Variants in OSBPL6 observed in about 807,000 individuals in gnomAD.
The protein encoded by OSBPL6 is oxysterol-binding protein-related protein 6.
A neutral mutation model predicts 125.8 loss-of-function variants in OSBPL6; 49 were observed. The ratio of observed to expected loss-of-function variants is 0.39; its 90% confidence interval spans 0.31 to 0.49. The LOEUF (loss-of-function observed/expected upper bound fraction) is 0.49, where lower values mean the gene tolerates loss of function less well. Among genes scored for constraint, OSBPL6 ranks in the 20% least tolerant of loss-of-function variants. The pLI, the probability that OSBPL6 is intolerant of heterozygous loss-of-function variation, is 0.88. For missense variants in OSBPL6, 986 were observed against 1,135.4 expected (o/e 0.87, Z 1.89); for synonymous variants, 394 against 391.8 (o/e 1.01, Z -0.07).
chr2:178,277,576 T>A (rs2092495306), intron 1 of OSBPL6, among the ~76,000 whole-genome samples: 1 of 152,256 alleles, frequency 6.6e-6, no homozygotes, highest in Non-Finnish European at 1.5e-5. Context: ...GAGAAAATTA[T>A]GTTTGTCTTG....
chr2:178,240,259 G>A (rs978858220), intron 1 of OSBPL6, among the ~76,000 whole-genome samples: 1 of 152,068 alleles, frequency 6.6e-6, no homozygotes. Context: ...CTAATTTTAT[G>A]TGTATCTTGC....
chr2:178,349,027 GT>G (rs1690989029), intron 11 of OSBPL6, among the ~76,000 whole-genome samples, 196 bp from the exon 12 acceptor site: 1 of 152,176 alleles, frequency 6.6e-6, no homozygotes, highest in Non-Finnish European at 1.5e-5. Flanking sequence ...GTCTGTGGCA[GT>G]TCTAAATCAA....
chr2:178,346,417 T>G (rs1690723508), intron 11 of OSBPL6, among the ~76,000 whole-genome samples: 1 of 152,244 alleles, frequency 6.6e-6, no homozygotes, highest in East Asian at 1.9e-4. Context: ...TGAATTTCAC[T>G]GTCAGCAACT....
In OSBPL6 at chr2:178,399,251, A is replaced by G. The variant is rs1371337003; in HGVS notation, c.*3692A>G. ...AAATGTATAAATGGAGTTAAGATTA[A>G]AGTATTTGGGGTTTTTTTTCCCCAA... On this transcript the variant is annotated 3_prime_UTR_variant, in exon 25 of 25. Coordinates refer to ENST00000190611, the MANE Select transcript of OSBPL6 (RefSeq NM_032523.4). The G allele has an allele frequency of 6.6e-6, 1 of 152,198 alleles. No homozygotes were observed. Among genetic ancestry groups the G allele is most frequent in the East Asian group, 1.9e-4 (1 of 5,202 alleles). 9.4% of individuals were successfully genotyped at this position (152,198 alleles called of 1,614,324 possible).
Position 178,288,657 on chromosome 2 carries a change from A to T in OSBPL6, c.-156+3536A>T, listed in dbSNP as rs200095824. On this transcript the variant is annotated intron_variant, in intron 2 of 24. Coordinates refer to ENST00000190611, the MANE Select transcript of OSBPL6 (RefSeq NM_032523.4). ...GAAAAGGGACTTTTTTTTTTTTTTT[A>T]AATTTTTTGAGAGGGAGTTTCGCTC... is the stretch of plus-strand genomic sequence containing the variant. Among the ~76,000 whole-genome samples, 484 of 146,666 alleles carry T rather than the reference A, an allele frequency of 3.3e-3. 3 individuals are homozygous for T. The highest frequency in any genetic ancestry group is 5.4e-3 in the African/African-American group (213 of 39,778).
In OSBPL6 at chr2:178,392,150, T is replaced by C. The variant is rs867534853; in HGVS notation, c.2447-262T>C. ...TCAAGAGAAATATTATGGAGTAGTT[T>C]AGCTAATGAAGACTACTATATGTGC... On this transcript the variant is annotated intron_variant, in intron 22 of 24. Transcript: ENST00000190611. Among the ~76,000 whole-genome samples, 18 of 152,350 alleles carry C rather than the reference T, an allele frequency of 1.2e-4. No individual in the cohort carries two copies. In the South Asian group the frequency reaches 2.5e-3, roughly 21 times the overall value.
At chr2:178,228,822 A>G (rs1439759848) in intron 1 of OSBPL6, among the ~76,000 whole-genome samples, 1 of 152,256 alleles carries the variant, frequency 6.6e-6, no homozygotes, top group African/African-American at 2.4e-5. Context: ...TTTAGATTTC[A>G]TAAAATTTAT....
Position 178,267,586 on chromosome 2 carries a change from G to T in OSBPL6, c.-350-17341G>T, listed in dbSNP as rs1046755021. Reference sequence around the variant, plus strand: ...GTAAGTGATTTTCAGGTTTCATCAGGGGCAGAGAAAAATGAAAACCCAGAG... The same window carrying T: ...GTAAGTGATTTTCAGGTTTCATCAGTGGCAGAGAAAAATGAAAACCCAGAG... On this transcript the variant is annotated intron_variant, in intron 1 of 24. Coordinates refer to ENST00000190611, the MANE Select transcript of OSBPL6 (RefSeq NM_032523.4). 1.3e-3 allele frequency among the ~76,000 whole-genome samples: 201 copies of T among 151,836 alleles called. 4 individuals are homozygous for T. The highest frequency in any genetic ancestry group is 0.013 in the Admixed American group (201 of 15,236).
chr2:178,359,738 G>A (rs894758109), intron 12 of OSBPL6, among the ~76,000 whole-genome samples: 6 of 152,182 alleles, frequency 3.9e-5, no homozygotes, highest in East Asian at 3.8e-4. Context: ...AAAAGGAAGC[G>A]ATCCTGCCAA....
intron 1 of OSBPL6, among the ~76,000 whole-genome samples, chr2:178,263,155 A>C (rs1044683154): frequency 6.6e-6 from 1 of 152,226 alleles, no homozygotes; most frequent in Non-Finnish European, 1.5e-5. Flanking sequence ...ACAGGGTGTT[A>C]GTATGATCTT....
chr2:178,374,387 G>A (rs1452560189), intron 15 of OSBPL6, among the ~76,000 whole-genome samples: 1 of 152,182 alleles, frequency 6.6e-6, no homozygotes, highest in Non-Finnish European at 1.5e-5. Context: ...AATTAGGAAA[G>A]CACCGTTCAT....
At chr2:178,344,173 G>T (rs371693434) in intron 11 of OSBPL6, 5 of 875,838 alleles carry the variant, frequency 5.7e-6, no homozygotes, top group South Asian at 3.1e-5. Context: ...AAGAAAAGTC[G>T]ACTTCAGTTA....
chr2:178,367,183 A>C (rs573213357), intron 13 of OSBPL6, among the ~76,000 whole-genome samples: 97 of 152,294 alleles, frequency 6.4e-4, no homozygotes, highest in Admixed American at 1.4e-3. Context: ...TAAAAAATAC[A>C]GAGGAAAAAA....
intron 1 of OSBPL6, among the ~76,000 whole-genome samples, chr2:178,227,836 C>A (rs1248370496): frequency 2.6e-5 from 4 of 152,080 alleles, no homozygotes; most frequent in African/African-American, 9.7e-5. Context: ...ATGGTTGTTA[C>A]CTCAGTAGGG....
intron 1 of OSBPL6, among the ~76,000 whole-genome samples, chr2:178,233,978 A>G (rs2090945659): frequency 6.6e-6 from 1 of 152,070 alleles, no homozygotes; most frequent in Admixed American, 6.6e-5. Context: ...CTCTAGTGGC[A>G]GTTTTTTTTT....
At chr2:178,276,019 G>C (rs2092461786) in intron 1 of OSBPL6, among the ~76,000 whole-genome samples, 1 of 152,170 alleles carries the variant, frequency 6.6e-6, no homozygotes, top group African/African-American at 2.4e-5. Context: ...ATGTAATTGA[G>C]TTAAGATAGT....
rs1690743805 is a variant in OSBPL6 at position 178,346,635 on chromosome 2, A to G, written c.988-2589A>G. ...TGAGTGTTGAGGGTTCTCAGGTATCAACATGGAGAGCTGTAGGCAGCTCCC... is the reference window on the plus strand; with the variant it reads ...TGAGTGTTGAGGGTTCTCAGGTATCGACATGGAGAGCTGTAGGCAGCTCCC... On this transcript the variant is annotated intron_variant, in intron 11 of 24. Transcript: ENST00000190611. Among the ~76,000 whole-genome samples, 4 of 152,194 alleles carry G rather than the reference A, an allele frequency of 2.6e-5. No individual in the cohort carries two copies. The South Asian group carries it at 8.3e-4, about 32-fold the overall frequency.
At chr2:178,232,559 T>C (rs1224482264) in intron 1 of OSBPL6, among the ~76,000 whole-genome samples, 1 of 152,184 alleles carries the variant, frequency 6.6e-6, no homozygotes, top group Non-Finnish European at 1.5e-5. Flanking sequence ...AATCAAAAGG[T>C]GAGTAGAACA....
chr2:178,395,742 T>C lies in OSBPL6; in HGVS notation c.*183T>C, dbSNP rs1205679965. The C allele has an allele frequency of 2.0e-6, 1 of 500,832 alleles. No homozygotes were observed. Among genetic ancestry groups the C allele is most frequent in the Admixed American group, 3.1e-5 (1 of 32,344 alleles). The allele number at this position is 500,832 out of a possible 1,614,324, so 31.0% of individuals were successfully genotyped here. On this transcript the variant is annotated 3_prime_UTR_variant, in exon 25 of 25. Transcript: ENST00000190611. ...GACAAGGCCCCTAACCACTTTGGGA[T>C]CCTTTCTGTTTTGCTGCAACCATAT...
Sources: gnomAD v4.1 joint callset for allele counts (sites outside exome capture counted in the v4.1 genomes callset) on GRCh38, gnomAD v4.1.1 for gene constraint, MANE v1.5 for transcripts, NCBI Gene and HGNC (gene_info 2026-07-23, HGNC 2026-07-21) for gene names.